LUZP1: variants seen among roughly 807,000 people sequenced by gnomAD.
LUZP1 encodes filamin mechanobinding actin cross-linking protein.
In LUZP1, 25 loss-of-function variants were observed where a neutral mutation model predicts 71.3. That is an observed-to-expected ratio of 0.35 (90% CI 0.26 to 0.49). The LOEUF (loss-of-function observed/expected upper bound fraction) is 0.49, where lower values mean the gene tolerates loss of function less well. LUZP1 is among the 20% of genes least tolerant of loss of function. The pLI is 0.99. For synonymous variants in LUZP1, 481 were observed against 506.4 expected (o/e 0.95, Z 0.67); for missense variants, 1,142 against 1,300.8 (o/e 0.88, Z 1.88).
intron 2 of LUZP1, among the ~76,000 whole-genome samples, chr1:23,143,052 G>A (rs912761146): frequency 4.0e-5 from 6 of 151,186 alleles, no homozygotes; most frequent in African/African-American, 9.7e-5. Context: ...TCTCTTGTCC[G>A]GGGTGGAGTG....
chr1:23,084,611 CTG>C (rs540542560), exon 5 of LUZP1: 1 of 152,284 alleles, frequency 6.6e-6, no homozygotes, highest in South Asian at 2.1e-4. Context: ...ATGATAAACA[CTG>C]TTACTGCAAA....
intron 2 of LUZP1, among the ~76,000 whole-genome samples, chr1:23,110,506 T>A (rs1039744429): frequency 3.3e-5 from 5 of 152,084 alleles, no homozygotes; most frequent in African/African-American, 1.2e-4. Context: ...CCCTTACACA[T>A]CCCTGCAAGC....
At chr1:23,139,019 A>AAAAAAAAAAATAT (rs1317355746) in intron 2 of LUZP1, among the ~76,000 whole-genome samples, 36 of 59,932 alleles carry the variant, frequency 6.0e-4, no homozygotes, top group Non-Finnish European at 7.5e-4. Flanking sequence ...AAAAAAAAAA[A>AAAAAAAAAAATAT]ATATATATAT....
chr1:23,105,587 G>A (rs990698162), intron 3 of LUZP1, among the ~76,000 whole-genome samples: 4 of 152,194 alleles, frequency 2.6e-5, no homozygotes, highest in Non-Finnish European at 5.9e-5. Flanking sequence ...CTGGTCTATA[G>A]TAAGTGTCAT....
intron 1 of LUZP1, among the ~76,000 whole-genome samples, chr1:23,169,884 G>C (rs1569722020): frequency 6.6e-6 from 1 of 152,088 alleles, no homozygotes; most frequent in South Asian, 2.1e-4. Flanking sequence ...AGCATGGTTG[G>C]TCTCTTGAGA....
intron 1 of LUZP1, among the ~76,000 whole-genome samples, chr1:23,176,418 A>T (rs538789673): frequency 6.6e-6 from 1 of 152,250 alleles, no homozygotes; most frequent in South Asian, 2.1e-4. Context: ...GTCCAAATGA[A>T]TGCTCTAAAG....
rs374176178 is a variant in LUZP1 at position 23,163,698 on chromosome 1, T to C, written c.-226+5068A>G. ...TGACAACAGCAATGCCTAAAAAGGT[T>C]AGCAATGCTTGTCATGTTGTGGCTC... On this transcript the variant is annotated intron_variant, in intron 2 of 4. Coordinates refer to ENST00000302291, the Ensembl canonical transcript of LUZP1. Among the ~76,000 whole-genome samples the C allele has an allele frequency of 6.6e-5, 10 of 152,146 alleles. No homozygotes were observed. The East Asian group carries it at 1.3e-3, about 20-fold the overall frequency.
chr1:23,111,772 C>T (rs1387977392), intron 2 of LUZP1, among the ~76,000 whole-genome samples: 5 of 151,768 alleles, frequency 3.3e-5, no homozygotes, highest in Admixed American at 6.6e-5. Context: ...CCCTCCCCAC[C>T]CACCTTACAC....
chr1:23,092,561 C>T (rs981475393), exon 4 of LUZP1: 1 of 1,614,182 alleles, frequency 6.2e-7, no homozygotes, highest in African/African-American at 1.3e-5. Flanking sequence ...GAGATGAGGC[C>T]AGGGCTCCAA....
intron 2 of LUZP1, among the ~76,000 whole-genome samples, chr1:23,146,879 C>T (rs1188786032): frequency 5.3e-5 from 8 of 151,650 alleles, no homozygotes; most frequent in African/African-American, 1.9e-4. Context: ...AGGCGGATCA[C>T]GAGGTCAGGA....
chr1:23,167,795 C>A (rs370003519), intron 2 of LUZP1, among the ~76,000 whole-genome samples: 1 of 152,142 alleles, frequency 6.6e-6, no homozygotes, highest in Non-Finnish European at 1.5e-5. Flanking sequence ...AGGTTCCCTG[C>A]AGGCAGGCTC....
rs1469781712 is a variant in LUZP1, at chr1:23,091,834, G to C, written c.2428C>G (p.Pro810Ala). 2.5e-6 allele frequency: 4 copies of C among 1,614,104 alleles called. No individual in the cohort carries two copies. Among genetic ancestry groups the C allele is most frequent in the Non-Finnish European group, 3.4e-6 (4 of 1,180,036 alleles). Residue 810 changes from proline (P) to alanine (A), a missense_variant, in exon 4 of 5, where the codon CCG becomes GCG. Transcript: ENST00000302291. Reference sequence around the variant, plus strand: ...TGCCTCTCCCTCAGGGCCTCACCCGGAGCAGCTCTGGGGCTGCTGCTGTCA... The same window carrying C: ...TGCCTCTCCCTCAGGGCCTCACCCGCAGCAGCTCTGGGGCTGCTGCTGTCA...
exon 5 of LUZP1, chr1:23,086,590 T>C (rs1643770214): frequency 6.6e-6 from 1 of 152,636 alleles, no homozygotes; most frequent in Non-Finnish European, 1.5e-5. Flanking sequence ...GCCCTTCTGT[T>C]TCCATCAGCA....
At chr1:23,139,011 AAAAAAAAAATATATATAT>A (rs1644279357) in intron 2 of LUZP1, among the ~76,000 whole-genome samples, 1 of 99,732 alleles carries the variant, frequency 1.0e-5, no homozygotes, top group African/African-American at 4.8e-5. Context: ...AAAAAAAAAA[AAAAAAAAAATATATATAT>A]ATATATATAT....
intron 3 of LUZP1, among the ~76,000 whole-genome samples, chr1:23,105,938 T>C (rs1643977784): frequency 6.6e-6 from 1 of 152,184 alleles, no homozygotes; most frequent in Non-Finnish European, 1.5e-5. Flanking sequence ...ATTACCTTTG[T>C]AGCACATTCC....
chr1:23,177,773 C>A (rs1014259975), exon 1 of LUZP1: 238 of 152,272 alleles, frequency 1.6e-3, no homozygotes, highest in African/African-American at 5.6e-3. Context: ...CAGCCGGCCG[C>A]GGGCCTGGGA....
chr1:23,135,511 T>C (rs745502119), intron 2 of LUZP1, among the ~76,000 whole-genome samples: 1 of 152,164 alleles, frequency 6.6e-6, no homozygotes, highest in Non-Finnish European at 1.5e-5. Flanking sequence ...CTATTGAAGA[T>C]TCAGAAAAAC....
chr1:23,149,652 T>G (rs1644368004), intron 2 of LUZP1, among the ~76,000 whole-genome samples: 2 of 152,120 alleles, frequency 1.3e-5, no homozygotes, highest in African/African-American at 4.8e-5. Flanking sequence ...AAGCAAAAGC[T>G]GCATACAAAA....
intron 2 of LUZP1, among the ~76,000 whole-genome samples, chr1:23,157,405 A>C (rs951185064): frequency 8.5e-5 from 13 of 152,116 alleles, no homozygotes; most frequent in South Asian, 8.3e-4. Flanking sequence ...GGCCAGGCAC[A>C]GTGGTGCCTA....
Sources: gnomAD v4.1 joint callset for allele counts (sites outside exome capture counted in the v4.1 genomes callset) on GRCh38, gnomAD v4.1.1 for gene constraint, MANE v1.5 for transcripts, NCBI Gene and HGNC (gene_info 2026-07-23, HGNC 2026-07-21) for gene names.